The following WDR7 variants were observed in gnomAD, a reference collection of about 807,000 sequenced individuals.
The protein encoded by WDR7 is WD repeat domain 7, also known as WD repeat-containing protein 7.
In WDR7, 46 loss-of-function variants were observed where a neutral mutation model predicts 169.4. The observed-to-expected ratio is 0.27, with a 90% CI of 0.21 to 0.35. WDR7 has a LOEUF of 0.35. WDR7 is among the 10% of genes least tolerant of loss of function. WDR7 has a pLI of 1.00. For synonymous variants in WDR7, 612 were observed against 666.8 expected, an observed-to-expected ratio of 0.92 and a Z score of 1.27; for missense variants, 1,534 against 1,859.3, an observed-to-expected ratio of 0.83 and a Z score of 3.22.
chr18:56,831,107 C>T (rs565832972), intron 20 of WDR7, among the ~76,000 whole-genome samples: 22 of 152,254 alleles, frequency 1.4e-4, no homozygotes, highest in Non-Finnish European at 2.2e-4. Flanking sequence ...GTTCATGATA[C>T]ACCGGCTGAG....
intron 26 of WDR7, among the ~76,000 whole-genome samples, chr18:57,008,425 C>CTTA (rs879728072): frequency 5.9e-5 from 9 of 152,190 alleles, no homozygotes; most frequent in Admixed American, 5.9e-4. Flanking sequence ...AAGAAGGCGG[C>CTTA]TTATAGCCTG....
At chr18:56,938,380 T>C (rs1307621009) in intron 23 of WDR7, among the ~76,000 whole-genome samples, 153 bp from the exon 24 acceptor site, 1 of 152,218 alleles carries the variant, frequency 6.6e-6, no homozygotes, top group Non-Finnish European at 1.5e-5. Flanking sequence ...TTTATTATAC[T>C]AAGTATTGTT....
At chr18:56,848,257 G>A (rs1223187236) in intron 20 of WDR7, among the ~76,000 whole-genome samples, 1 of 152,196 alleles carries the variant, frequency 6.6e-6, no homozygotes, top group Non-Finnish European at 1.5e-5. Flanking sequence ...CTTGCATGGG[G>A]CCTATTGCCA....
In WDR7 at chr18:56,686,904, A is replaced by C; in HGVS notation, c.647A>C (p.Asn216Thr). The C allele has an allele frequency of 6.2e-7, 1 of 1,610,992 alleles. No individual in the cohort carries two copies. Among genetic ancestry groups the C allele is most frequent in the Non-Finnish European group, 8.5e-7 (1 of 1,177,346 alleles). The change falls in exon 7 of 28, where the codon AAT becomes ACT. Residue 216 changes from asparagine to threonine, a missense_variant. Transcript: ENST00000254442. ...GAATCCAAACCAATTTATTGTCAGAATTGCCAAAGCATCTCTTTTTGTGCA... is the reference window on the plus strand; with the variant it reads ...GAATCCAAACCAATTTATTGTCAGACTTGCCAAAGCATCTCTTTTTGTGCA... ...EEESKPIYCQ[N>T]CQSISFCAFT...
At chr18:56,775,969 G>A (rs1218750118) in intron 16 of WDR7, among the ~76,000 whole-genome samples, 1 of 152,208 alleles carries the variant, frequency 6.6e-6, no homozygotes, top group Non-Finnish European at 1.5e-5. Context: ...GGAAAGAAGT[G>A]TCAAATGGTG....
At chr18:57,016,629 T>TG (rs2048211213) in intron 26 of WDR7, among the ~76,000 whole-genome samples, 1 of 152,236 alleles carries the variant, frequency 6.6e-6, no homozygotes, top group African/African-American at 2.4e-5. Flanking sequence ...ATTTTAGAAA[T>TG]TCTCATTTCT....
At chr18:56,881,692 C>A (rs2046110479) in intron 21 of WDR7, among the ~76,000 whole-genome samples, 1 of 152,090 alleles carries the variant, frequency 6.6e-6, no homozygotes, top group Admixed American at 6.5e-5. Flanking sequence ...TTCACTGCAA[C>A]CTCCTGCCTC....
At chr18:56,837,342 G>A (rs899223354) in intron 20 of WDR7, among the ~76,000 whole-genome samples, 1 of 152,128 alleles carries the variant, frequency 6.6e-6, no homozygotes, top group Non-Finnish European at 1.5e-5. Context: ...TTTCAAAATG[G>A]CCGTGTAGAA....
At chr18:56,756,432 G>A in intron 14 of WDR7, 151 bp from the exon 15 acceptor site, 2 of 653,162 alleles carry the variant, frequency 3.1e-6, no homozygotes, top group Admixed American at 3.4e-5. Flanking sequence ...CTGCTGATTG[G>A]CAAAGTTAGT....
chr18:56,700,608 C>T (rs1281420064), intron 12 of WDR7, among the ~76,000 whole-genome samples: 1 of 117,730 alleles, frequency 8.5e-6, no homozygotes, highest in Non-Finnish European at 1.7e-5. Flanking sequence ...CTCGCTCTGT[C>T]GCCCAGGCTG....
intron 27 of WDR7, among the ~76,000 whole-genome samples, chr18:57,021,507 A>C (rs2048291540): frequency 6.6e-6 from 1 of 152,196 alleles, no homozygotes; most frequent in Non-Finnish European, 1.5e-5. Context: ...TAATACTCAT[A>C]ATGCTCAAAC....
At chr18:56,745,939 G>T (rs961929038) in intron 14 of WDR7, among the ~76,000 whole-genome samples, 2 of 152,108 alleles carry the variant, frequency 1.3e-5, no homozygotes. Flanking sequence ...GACCTATATG[G>T]ATGTTGAACT....
At chr18:56,688,561 C>CA (rs68137220) in intron 7 of WDR7, among the ~76,000 whole-genome samples, 67 of 135,254 alleles carry the variant, frequency 5.0e-4, no homozygotes, top group African/African-American at 1.8e-3. Flanking sequence ...ACTAAAAATA[C>CA]AAAAAAAAAA....
In WDR7 at chr18:56,861,001, T is replaced by C. The variant is rs191167025; in HGVS notation, c.3305-18943T>C. ...TCTAGAAATACAATTGCTCTATTTC[T>C]ATGTTAACTGTTTTGCTTTCTATTT... On this transcript the variant is annotated intron_variant, in intron 20 of 27. Transcript: ENST00000254442. Among the ~76,000 whole-genome samples, 61 of 152,168 alleles carry C rather than the reference T, an allele frequency of 4.0e-4. No homozygotes were observed. In the East Asian group the frequency reaches 0.011, roughly 28 times the overall value.
At chr18:57,009,714 TGTAAC>T in intron 26 of WDR7, 1 of 364,108 alleles carries the variant, frequency 2.7e-6, no homozygotes, top group Non-Finnish European at 3.8e-6. Flanking sequence ...TATGTTGTAA[TGTAAC>T]ACTTTCAAGC....
At chr18:56,706,263 A>G (rs117803253) in intron 12 of WDR7, among the ~76,000 whole-genome samples, 149 of 152,366 alleles carry the variant, frequency 9.8e-4, no homozygotes, top group Non-Finnish European at 1.9e-3. Flanking sequence ...TGACTTTTGT[A>G]TGATGATTCT....
chr18:56,840,582 A>C (rs2045468455), intron 20 of WDR7, among the ~76,000 whole-genome samples: 1 of 152,162 alleles, frequency 6.6e-6, no homozygotes, highest in African/African-American at 2.4e-5. Flanking sequence ...GCATTTTGGG[A>C]GGTCGAGGCA....
At chr18:56,693,300 T>G (rs760982090) in intron 9 of WDR7, among the ~76,000 whole-genome samples, 17 of 152,140 alleles carry the variant, frequency 1.1e-4, no homozygotes, top group Non-Finnish European at 2.4e-4. Context: ...CCTCCGAATT[T>G]TAGTAGAAGT....
intron 7 of WDR7, 71 bp from the exon 8 acceptor site, chr18:56,691,145 C>G: frequency 6.5e-7 from 1 of 1,527,734 alleles, no homozygotes; most frequent in Admixed American, 2.5e-5. Context: ...TTTTTTTAAA[C>G]TTGAAATGTC....
Sources: allele counts gnomAD v4.1 joint callset (sites outside exome capture counted in the v4.1 genomes callset), GRCh38; gene constraint gnomAD v4.1.1; transcripts MANE v1.5; gene names NCBI Gene and HGNC (gene_info 2026-07-23, HGNC 2026-07-21).